CTIF: variants seen among roughly 807,000 people sequenced by gnomAD.
The protein encoded by CTIF is cap binding complex dependent translation initiation factor.
A neutral mutation model predicts 66.0 loss-of-function variants in CTIF; 21 were observed. The ratio of observed to expected loss-of-function variants is 0.32; its 90% CI spans 0.23 to 0.46. The LOEUF is 0.46. CTIF is among the 20% of genes least tolerant of loss of function. The probability of loss-of-function intolerance (pLI) is 1.00; values close to 1 mark genes in which losing one functional copy is unlikely to be tolerated. For missense variants in CTIF, 739 were observed against 812.7 expected, an observed-to-expected ratio of 0.91 and a Z score of 1.10; for synonymous variants, 345 against 326.4, an observed-to-expected ratio of 1.06 and a Z score of -0.62.
chr18:48,554,083 G>A (rs2088958510), intron 1 of CTIF, among the ~76,000 whole-genome samples: 1 of 152,202 alleles, frequency 6.6e-6, no homozygotes, highest in African/African-American at 2.4e-5. Context: ...ACACCCAGCT[G>A]CTGTGGTGGA....
At chr18:48,560,188 A>G (rs1177054236) in intron 1 of CTIF, among the ~76,000 whole-genome samples, 1 of 150,640 alleles carries the variant, frequency 6.6e-6, no homozygotes, top group Non-Finnish European at 1.5e-5. Flanking sequence ...CACAGACCCT[A>G]CTTCTTGTTA....
At chr18:48,772,484 A>AGCAATAACTCCCCTACG (rs1910251491) in intron 9 of CTIF, among the ~76,000 whole-genome samples, 3 of 151,592 alleles carry the variant, frequency 2.0e-5, no homozygotes, top group Non-Finnish European at 4.4e-5. Context: ...ACTCCCCTAC[A>AGCAATAACTCCCCTACG]GCAATAACTC....
intron 1 of CTIF, among the ~76,000 whole-genome samples, chr18:48,576,526 T>C (rs544631441): frequency 2.9e-3 from 442 of 152,360 alleles, no homozygotes; most frequent in Middle Eastern, 0.027. Context: ...TGCGGTTCTC[T>C]GCTTCAGCCA....
At chr18:48,724,453 G>C (rs2092368522) in intron 7 of CTIF, among the ~76,000 whole-genome samples, 1 of 152,104 alleles carries the variant, frequency 6.6e-6, no homozygotes, top group African/African-American at 2.4e-5. Flanking sequence ...GCCTGTCTCT[G>C]TCCTGCTCCC....
intron 1 of CTIF, among the ~76,000 whole-genome samples, chr18:48,577,750 G>C (rs1208005736): frequency 1.3e-5 from 2 of 152,014 alleles, no homozygotes; most frequent in Non-Finnish European, 2.9e-5. Flanking sequence ...TTTTTTTGTA[G>C]TTTTTGTAGA....
chr18:48,815,389 G>T (rs2068341071), intron 9 of CTIF, among the ~76,000 whole-genome samples: 1 of 152,166 alleles, frequency 6.6e-6, no homozygotes, highest in Non-Finnish European at 1.5e-5. Flanking sequence ...ATAAAATGGG[G>T]CAGTAATAGG....
At chr18:48,593,629 G>A (rs1272380350) in intron 1 of CTIF, among the ~76,000 whole-genome samples, 10 of 151,836 alleles carry the variant, frequency 6.6e-5, no homozygotes, top group Admixed American at 2.6e-4. Flanking sequence ...TGATCCGCCC[G>A]CCTCAGCCTC....
At chr18:48,649,145 G>C (rs1197662099) in intron 3 of CTIF, among the ~76,000 whole-genome samples, 1 of 152,204 alleles carries the variant, frequency 6.6e-6, no homozygotes, top group Non-Finnish European at 1.5e-5. Flanking sequence ...CTGAAGCTGG[G>C]TGGGGCATTG....
chr18:48,684,344 G>A (rs561006546), intron 6 of CTIF, among the ~76,000 whole-genome samples: 5 of 152,210 alleles, frequency 3.3e-5, no homozygotes, highest in Admixed American at 6.5e-5. Flanking sequence ...TACCCCCTGC[G>A]TCCTCAAGTG....
chr18:48,662,990 G>A (rs1251584692), intron 3 of CTIF, among the ~76,000 whole-genome samples: 1 of 152,128 alleles, frequency 6.6e-6, no homozygotes, highest in Non-Finnish European at 1.5e-5. Context: ...CTTTTGGTGA[G>A]CATCGGGCAC....
chr18:48,727,984 TGTC>T (rs1320965841), intron 7 of CTIF, among the ~76,000 whole-genome samples: 1 of 152,196 alleles, frequency 6.6e-6, no homozygotes, highest in Non-Finnish European at 1.5e-5. Flanking sequence ...TCTTTTAACT[TGTC>T]TCTCTCTTCT....
At position 48,859,602 on chromosome 18, in the gene CTIF, C is replaced by G. The variant is rs956006538; in HGVS notation, c.*43C>G. The G allele has an allele frequency of 6.3e-7, 1 of 1,581,848 alleles. No homozygotes were observed. Among genetic ancestry groups the G allele is most frequent in the African/African-American group, 1.3e-5 (1 of 74,212 alleles). ...AGGCGGCCCACGGGCAGCTGGGGCC[C>G]TGGTGCACAGGGCCAGATGGACAGG... On this transcript the variant is annotated 3_prime_UTR_variant, in exon 12 of 12. Transcript: ENST00000256413.
At chr18:48,613,027 C>T (rs1334594345) in intron 1 of CTIF, among the ~76,000 whole-genome samples, 1 of 152,082 alleles carries the variant, frequency 6.6e-6, no homozygotes. Flanking sequence ...ATGATGGATT[C>T]CCTGAGAAGT....
At chr18:48,568,006 ATCAC>A (rs1360951619) in intron 1 of CTIF, 1 of 152,218 alleles carries the variant, frequency 6.6e-6, no homozygotes, top group African/African-American at 2.4e-5. Context: ...TTGTGAATAA[ATCAC>A]TCATGCTTTC....
At chr18:48,577,713 C>G (rs1208149838) in intron 1 of CTIF, among the ~76,000 whole-genome samples, 1 of 152,158 alleles carries the variant, frequency 6.6e-6, no homozygotes, top group African/African-American at 2.4e-5. Context: ...ACTGGGACCA[C>G]AGGTACACAC....
chr18:48,575,830 C>G (rs912633197), intron 1 of CTIF, among the ~76,000 whole-genome samples: 2 of 152,256 alleles, frequency 1.3e-5, no homozygotes, highest in Admixed American at 6.5e-5. Context: ...AGCAACCACC[C>G]CGTGCAGCCT....
At chr18:48,558,167 C>G (rs1218318030) in intron 1 of CTIF, among the ~76,000 whole-genome samples, 2 of 152,154 alleles carry the variant, frequency 1.3e-5, no homozygotes, top group African/African-American at 2.4e-5. Flanking sequence ...GTAGAACACA[C>G]AATGATTTTC....
intron 1 of CTIF, among the ~76,000 whole-genome samples, chr18:48,559,288 G>A (rs2089095971): frequency 6.6e-6 from 1 of 151,548 alleles, no homozygotes; most frequent in South Asian, 2.1e-4. Flanking sequence ...CCTCATCCTA[G>A]TTTTCCCCGA....
chr18:48,770,446 T>A (rs2145957454), intron 9 of CTIF, among the ~76,000 whole-genome samples: 1 of 152,408 alleles, frequency 6.6e-6, no homozygotes, highest in East Asian at 1.9e-4. Flanking sequence ...GGCAGTCTAC[T>A]GCAGGCCTTG....
Sources: allele counts gnomAD v4.1 joint callset (sites outside exome capture counted in the v4.1 genomes callset), GRCh38; gene constraint gnomAD v4.1.1; transcripts MANE v1.5; gene names NCBI Gene and HGNC (gene_info 2026-07-23, HGNC 2026-07-21).